VGLL3: variants seen among roughly 807,000 people sequenced by gnomAD.
VGLL3 encodes transcription cofactor vestigial-like protein 3.
VGLL3 carries 18 observed loss-of-function variants against 29.2 expected under a neutral mutation model. That is an observed-to-expected ratio of 0.62 (90% CI 0.43 to 0.91). The LOEUF is 0.91. VGLL3 is among the 40% of genes least tolerant of loss of function. The pLI, the probability that VGLL3 is intolerant of heterozygous loss-of-function variation, is 0.00. For synonymous variants in VGLL3, 180 were observed against 151.8 expected (o/e 1.19, Z -1.36); for missense variants, 440 against 413.2 (o/e 1.06, Z -0.56).
rs570476276 is a variant in VGLL3 at position 86,949,680 on chromosome 3, G to C, written c.938-2613C>G. On this transcript the variant is annotated intron_variant, in intron 3 of 3. Transcript: ENST00000398399. ...TCTCCACTAAAAACACAAAAAATTA[G>C]CCGGGCGTGATGGCGGGCGCCCTGT... 2.0e-5 allele frequency among the ~76,000 whole-genome samples: 3 copies of C among 151,834 alleles called. No individual in the cohort carries two copies. In the South Asian group the frequency reaches 6.2e-4, roughly 32 times the overall value.
At chr3:86,966,814 T>C (rs1265614055) in intron 3 of VGLL3, among the ~76,000 whole-genome samples, 2 of 121,550 alleles carry the variant, frequency 1.6e-5, no homozygotes, top group Non-Finnish European at 3.4e-5. Flanking sequence ...TATATATATA[T>C]ATATATATAT....
chr3:86,987,780 T>G (rs2107077570), intron 1 of VGLL3, among the ~76,000 whole-genome samples: 1 of 151,974 alleles, frequency 6.6e-6, no homozygotes, highest in Admixed American at 6.5e-5. Flanking sequence ...ACTGTATACC[T>G]AAGTAACACA....
intron 3 of VGLL3, among the ~76,000 whole-genome samples, chr3:86,961,123 T>A (rs1434369462): frequency 6.6e-6 from 1 of 151,966 alleles, no homozygotes; most frequent in Admixed American, 6.6e-5. Context: ...AACAAAATTG[T>A]AGCTAAAATA....
At position 86,944,297 on chromosome 3, in the gene VGLL3, G is replaced by A. The variant is rs1034652295; in HGVS notation, c.*2727C>T. ...TCTGTTGCCCAAGCTGGAGTACAGTGGTGCAATCACAGCTCACTGCAAGCT... is the reference window on the plus strand; with the variant it reads ...TCTGTTGCCCAAGCTGGAGTACAGTAGTGCAATCACAGCTCACTGCAAGCT... On this transcript the variant is annotated 3_prime_UTR_variant, in exon 4 of 4. Transcript: ENST00000398399. The A allele has an allele frequency of 1.3e-5, 2 of 152,544 alleles. No individual in the cohort carries two copies. The highest frequency in any genetic ancestry group is 4.8e-5 in the African/African-American group (2 of 41,414). 9.4% of individuals were successfully genotyped at this position (152,544 alleles called of 1,614,324 possible).
intron 2 of VGLL3, among the ~76,000 whole-genome samples, chr3:86,970,483 GCACACACACACACACACA>G (rs10694503): frequency 1.4e-5 from 2 of 141,200 alleles, no homozygotes; most frequent in African/African-American, 2.6e-5. Context: ...TTACACACAC[GCACACACACACACACACA>G]CACACACACA....
intron 1 of VGLL3, among the ~76,000 whole-genome samples, chr3:86,988,781 T>C (rs1327439870): frequency 7.2e-6 from 1 of 139,536 alleles, no homozygotes; most frequent in Non-Finnish European, 1.6e-5. Context: ...AGTTAAGCAA[T>C]GTCTACAAAA....
Position 86,968,652 on chromosome 3 carries a change from G to A in VGLL3, c.875C>T (p.Ser292Leu), listed in dbSNP as rs749026578. 2 of 1,614,184 alleles carry A rather than the reference G, an allele frequency of 1.2e-6. No homozygotes were observed. Among genetic ancestry groups the A allele is most frequent in the African/African-American group, 1.3e-5 (1 of 75,052 alleles). ...TEPTTVTSAT[S>L]AWAGAFHGTV... ...TCCATGAAAGGCTCCAGCCCATGCT[G>A]AGGTAGCAGAGGTGACTGTAGTTGG... The change falls in exon 3 of 4, where the codon TCA (serine) becomes TTA (leucine). Residue 292 changes from serine to leucine, a missense_variant. Physicochemically the swap from Ser to Leu is moderately radical, Grantham distance 145. Coordinates refer to ENST00000398399, the MANE Select transcript of VGLL3 (RefSeq NM_016206.4).
intron 3 of VGLL3, among the ~76,000 whole-genome samples, chr3:86,964,019 C>A (rs1032173962): frequency 6.6e-6 from 1 of 152,046 alleles, no homozygotes; most frequent in Non-Finnish European, 1.5e-5. Flanking sequence ...CAGCAACTAC[C>A]CACAGGCCAA....
intron 3 of VGLL3, chr3:86,963,043 C>A: frequency 4.5e-6 from 1 of 221,066 alleles, no homozygotes; most frequent in African/African-American, 2.4e-5. Context: ...TGCAGTGAGT[C>A]AAGATCTCGC....
chr3:86,986,016 A>T (rs1416045597), intron 1 of VGLL3, among the ~76,000 whole-genome samples: 2 of 142,836 alleles, frequency 1.4e-5, no homozygotes, highest in African/African-American at 2.5e-5. Flanking sequence ...AGATATGACA[A>T]ATATATATAT....
At chr3:86,981,197 A>G in intron 1 of VGLL3, among the ~76,000 whole-genome samples, 1 of 152,156 alleles carries the variant, frequency 6.6e-6, no homozygotes, top group East Asian at 1.9e-4. Flanking sequence ...AGTAGCAATC[A>G]TAAAATATCA....
At chr3:86,981,770 T>A (rs1166739393) in intron 1 of VGLL3, among the ~76,000 whole-genome samples, 1 of 151,974 alleles carries the variant, frequency 6.6e-6, no homozygotes, top group Non-Finnish European at 1.5e-5. Context: ...CCACTTGCAA[T>A]TTTTTTTCAG....
At chr3:86,989,165 AC>A (rs1705525877) in intron 1 of VGLL3, among the ~76,000 whole-genome samples, 1 of 152,220 alleles carries the variant, frequency 6.6e-6, no homozygotes, top group South Asian at 2.1e-4. Context: ...ATTTGAAACA[AC>A]TTCTACTAGT....
At chr3:86,981,032 T>C (rs1318372827) in intron 1 of VGLL3, among the ~76,000 whole-genome samples, 1 of 152,158 alleles carries the variant, frequency 6.6e-6, no homozygotes, top group African/African-American at 2.4e-5. Context: ...TAGAAGAGCC[T>C]GGCTACATTA....
At chr3:86,951,758 A>G (rs1704622975) in intron 3 of VGLL3, among the ~76,000 whole-genome samples, 1 of 149,896 alleles carries the variant, frequency 6.7e-6, no homozygotes, top group Non-Finnish European at 1.5e-5. Context: ...AAGCTCGCCT[A>G]TGTTCCCCAT....
At chr3:86,961,861 A>C (rs1031214550) in intron 3 of VGLL3, 8 of 884,364 alleles carry the variant, frequency 9.0e-6, no homozygotes, top group Middle Eastern at 5.8e-4. Flanking sequence ...ACCCTCAAAA[A>C]ATGTGTTCAT....
At chr3:86,957,217 A>G (rs79693379) in intron 3 of VGLL3, among the ~76,000 whole-genome samples, 5,069 of 152,272 alleles carry the variant, frequency 0.033, 138 homozygotes, top group Middle Eastern at 0.054. Flanking sequence ...TGTCTGCCCA[A>G]TCAATACAAA....
At chr3:86,962,313 G>A (rs1022467086) in intron 3 of VGLL3, 1 of 985,260 alleles carries the variant, frequency 1.0e-6, no homozygotes, top group African/African-American at 1.7e-5. Flanking sequence ...CAAGACAGAG[G>A]TTAGAGGAAT....
At chr3:86,988,704 G>GAAAAA (rs1705511075) in intron 1 of VGLL3, among the ~76,000 whole-genome samples, 1 of 71,284 alleles carries the variant, frequency 1.4e-5, no homozygotes, top group African/African-American at 5.5e-5. Context: ...AGAAGGAGAA[G>GAAAAA]AAAAAGAAGA....
Sources: gnomAD v4.1 joint callset for allele counts (sites outside exome capture counted in the v4.1 genomes callset) on GRCh38, gnomAD v4.1.1 for gene constraint, MANE v1.5 for transcripts, NCBI Gene and HGNC (gene_info 2026-07-23, HGNC 2026-07-21) for gene names.